NECTIN1: variants seen among roughly 807,000 people sequenced by gnomAD.
The protein encoded by NECTIN1 is nectin-1.
A neutral mutation model predicts 48.0 loss-of-function variants in NECTIN1; 23 were observed. The ratio of observed to expected loss-of-function variants is 0.48; its 90% CI spans 0.34 to 0.68. NECTIN1 has a LOEUF of 0.68. NECTIN1 is among the 30% of genes least tolerant of loss of function. The pLI, the probability that NECTIN1 is intolerant of heterozygous loss-of-function variation, is 0.01. For synonymous variants in NECTIN1, 270 were observed against 288.9 expected (o/e 0.93, Z 0.66); for missense variants, 591 against 709.9 (o/e 0.83, Z 1.90).
At chr11:119,712,268 G>T (rs556205064) in intron 1 of NECTIN1, among the ~76,000 whole-genome samples, 3 of 151,754 alleles carry the variant, frequency 2.0e-5, no homozygotes, top group African/African-American at 7.2e-5. Context: ...TCCTGGTCAC[G>T]TCCCAGCCCA....
intron 1 of NECTIN1, among the ~76,000 whole-genome samples, chr11:119,686,450 C>T (rs115046570): frequency 6.6e-6 from 1 of 152,308 alleles, no homozygotes; most frequent in African/African-American, 2.4e-5. Flanking sequence ...TCTCCTGCCT[C>T]CAGCTCCACC....
chr11:119,649,260 C>T (rs965826867), intron 5 of NECTIN1, among the ~76,000 whole-genome samples: 2 of 151,314 alleles, frequency 1.3e-5, no homozygotes, highest in African/African-American at 2.4e-5. Flanking sequence ...GTGCGCCTGT[C>T]GTCCCAGCTA....
exon 7 of NECTIN1, chr11:119,638,773 A>G (rs1228917038): frequency 6.2e-7 from 1 of 1,614,014 alleles, no homozygotes; most frequent in East Asian, 2.2e-5. Context: ...TGCTGGGAGA[A>G]GGCTCCGGCT....
At chr11:119,650,066 GGTT>G (rs1347393924) in intron 5 of NECTIN1, among the ~76,000 whole-genome samples, 121 of 151,862 alleles carry the variant, frequency 8.0e-4, no homozygotes, top group African/African-American at 2.7e-3. Flanking sequence ...GTCAAAGGGG[GGTT>G]GTTATCTGGC....
chr11:119,639,973 C>T lies in NECTIN1; in HGVS notation c.1043G>A (p.Arg348Lys), dbSNP rs780236235. The change falls in exon 6 of 8, where the codon AGG becomes AAG. Residue 348 changes from arginine to lysine, a missense_variant. Transcript: ENST00000341398. The stretch of plus-strand genomic sequence containing the variant: ...CACGGCCACGGTGCCCGCCAGGAGC[C>T]TGGCTGCACTTCCCAGACCCCTCTG... 3.1e-6 allele frequency: 5 copies of T among 1,614,068 alleles called. No individual in the cohort carries two copies. The East Asian group carries it at 1.1e-4, about 36-fold the overall frequency.
rs1475439498 is a variant in NECTIN1 at position 119,672,308 on chromosome 11, G to GT, written c.1003+2850dup. Among the ~76,000 whole-genome samples, 8 of 152,036 alleles carry GT rather than the reference G, an allele frequency of 5.3e-5. No homozygotes were observed. The highest frequency in any genetic ancestry group is 3.9e-4 in the East Asian group (2 of 5,170). On this transcript the variant is annotated intron_variant, in intron 5 of 5. Transcript: ENST00000264025. This position sits in a 1 kb window ranked among gnomAD's most constrained non-coding sequence, Gnocchi z 4.3. ...CACAGGGATAGAGGCTGCCTCATCTGTTTTTTTTCAGTCTGGTGGAGGCTG... is the reference window on the plus strand; with the variant it reads ...CACAGGGATAGAGGCTGCCTCATCTGTTTTTTTTTCAGTCTGGTGGAGGCTG...
At chr11:119,680,832 C>A (rs186163728) in intron 1 of NECTIN1, among the ~76,000 whole-genome samples, 3 of 152,218 alleles carry the variant, frequency 2.0e-5, no homozygotes, top group Admixed American at 1.3e-4. Context: ...TGGGGTGCTT[C>A]GGAGCTGATG....
At chr11:119,722,607 C>A (rs1157130529) in intron 1 of NECTIN1, among the ~76,000 whole-genome samples, 1 of 152,244 alleles carries the variant, frequency 6.6e-6, no homozygotes, top group African/African-American at 2.4e-5. Context: ...AAAGGCCACC[C>A]AGCACCTGCT....
At chr11:119,716,145 G>C (rs191634711) in intron 1 of NECTIN1, among the ~76,000 whole-genome samples, 1 of 152,020 alleles carries the variant, frequency 6.6e-6, no homozygotes. Flanking sequence ...CATCTGGGTT[G>C]GGGGGGCGGA....
intron 1 of NECTIN1, chr11:119,713,143 G>A (rs922913879): frequency 1.3e-5 from 2 of 152,292 alleles, no homozygotes; most frequent in African/African-American, 4.8e-5. Flanking sequence ...GGGGAGGGTG[G>A]TGAAAGCAGG....
At chr11:119,691,328 T>C (rs574752251) in intron 1 of NECTIN1, among the ~76,000 whole-genome samples, 2 of 152,350 alleles carry the variant, frequency 1.3e-5, no homozygotes, top group South Asian at 4.1e-4. Flanking sequence ...CAGCCCCAGC[T>C]TGGGGTCACC....
intron 1 of NECTIN1, among the ~76,000 whole-genome samples, chr11:119,725,071 T>C (rs1443153106): frequency 6.6e-6 from 1 of 152,142 alleles, no homozygotes; most frequent in African/African-American, 2.4e-5. Flanking sequence ...CACACCTCCC[T>C]TGGGTATTTT....
chr11:119,719,464 G>A (rs1045000756), intron 1 of NECTIN1, among the ~76,000 whole-genome samples: 2 of 152,176 alleles, frequency 1.3e-5, no homozygotes, highest in African/African-American at 4.8e-5. Flanking sequence ...TACTAGCTGC[G>A]TGACCCTGGG....
At chr11:119,720,981 C>G (rs1269383763) in intron 1 of NECTIN1, among the ~76,000 whole-genome samples, 1 of 152,136 alleles carries the variant, frequency 6.6e-6, no homozygotes, top group Non-Finnish European at 1.5e-5. Context: ...GAAATGCTTC[C>G]TCTCTAGGGT....
intron 1 of NECTIN1, among the ~76,000 whole-genome samples, chr11:119,688,081 C>T (rs1345637042): frequency 1.3e-5 from 2 of 152,074 alleles, no homozygotes; most frequent in African/African-American, 4.8e-5. Context: ...TTCAGATAGA[C>T]CTGGGTTTGT....
chr11:119,707,942 G>T (rs867173965), intron 1 of NECTIN1, among the ~76,000 whole-genome samples: 1 of 152,222 alleles, frequency 6.6e-6, no homozygotes, highest in Admixed American at 6.5e-5. Flanking sequence ...GTGGCAAGAG[G>T]AAGGAGCGTG....
At chr11:119,659,109 T>G (rs1238326200), downstream of NECTIN1, 1 of 152,254 alleles carries the variant, frequency 6.6e-6, no homozygotes, top group African/African-American at 2.4e-5. Flanking sequence ...ACTCCCGTCC[T>G]GTGCTACCCC....
rs536646770 is a variant in NECTIN1, at chr11:119,653,743, G to A, written c.1004-13731C>T. Among the ~76,000 whole-genome samples, 9 of 152,324 alleles carry A rather than the reference G, an allele frequency of 5.9e-5. No individual in the cohort carries two copies. In the South Asian group the frequency reaches 1.7e-3, roughly 28 times the overall value. Reference sequence around the variant, plus strand: ...CTATCCTAGTTCAACGCAGCTGAGCGCTCAGTCTGTTCTAGGTGTTCTGTT... The same window carrying A: ...CTATCCTAGTTCAACGCAGCTGAGCACTCAGTCTGTTCTAGGTGTTCTGTT... On this transcript the variant is annotated intron_variant, in intron 5 of 7. Transcript: ENST00000341398.
At chr11:119,679,139 C>A (rs913580439) in intron 1 of NECTIN1, among the ~76,000 whole-genome samples, 1 of 152,192 alleles carries the variant, frequency 6.6e-6, no homozygotes, top group Non-Finnish European at 1.5e-5. Context: ...AGTAAACATA[C>A]GTCTGCACCC....
Sources: allele counts gnomAD v4.1 joint callset (sites outside exome capture counted in the v4.1 genomes callset), GRCh38; gene constraint gnomAD v4.1.1; non-coding constraint Gnocchi (gnomAD v3.1); transcripts MANE v1.5; gene names NCBI Gene and HGNC (gene_info 2026-07-23, HGNC 2026-07-21).